Variants in MYO1H observed in about 807,000 individuals in gnomAD.
The protein encoded by MYO1H is myosin IH.
In MYO1H, 118 loss-of-function variants were observed where a neutral mutation model predicts 149.3. The observed-to-expected ratio is 0.79, with a 90% CI of 0.68 to 0.92. MYO1H has a LOEUF of 0.92. Among genes scored for constraint, MYO1H ranks in the 40% least tolerant of loss-of-function variants. MYO1H has a pLI of 0.00. For synonymous variants in MYO1H, 447 were observed against 465.2 expected (o/e 0.96, Z 0.50); for missense variants, 1,212 against 1,280.7 (o/e 0.95, Z 0.82).
chr12:109,381,630 C>T (rs1453202277), intron 1 of MYO1H, among the ~76,000 whole-genome samples: 1 of 151,738 alleles, frequency 6.6e-6, no homozygotes, highest in Non-Finnish European at 1.5e-5. Flanking sequence ...CATGGTGAAA[C>T]CCCGTCTCTA....
the MYO1H span, among the ~76,000 whole-genome samples, chr12:109,318,986 T>TTTTTTG: frequency 6.8e-6 from 1 of 146,642 alleles, no homozygotes; most frequent in Admixed American, 6.8e-5. Flanking sequence ...TTTTTTTTTT[T>TTTTTTG]TTTTTTTTGC....
At chr12:109,420,881 GAAATTCTTTTTC>G (rs1461223252) in intron 15 of MYO1H, 88 bp from the exon 16 acceptor site, 1 of 731,094 alleles carries the variant, frequency 1.4e-6, no homozygotes, top group African/African-American at 1.8e-5. Flanking sequence ...CTAATCCTAA[GAAATTCTTTTTC>G]AGAATTTCCC....
At position 109,410,028 on chromosome 12, in the gene MYO1H, T is replaced by A. The variant is rs578088715; in HGVS notation, c.1289T>A (p.Leu430Gln). 34 of 1,543,772 alleles carry A rather than the reference T, an allele frequency of 2.2e-5. No homozygotes were observed. The South Asian group carries it at 4.2e-4, about 19-fold the overall frequency. ...CAGCAACTGTTAATTGAGAGGACTC[T>A]AAAAGCAGAACAGGCAGAATATGAA... The change falls in exon 12 of 32, where the codon CTA becomes CAA. Residue 430 changes from leucine to glutamine, a missense_variant. Coordinates refer to ENST00000310903, the Ensembl canonical transcript of MYO1H.
intron 1 of MYO1H, among the ~76,000 whole-genome samples, chr12:109,350,059 T>C (rs181917517): frequency 4.6e-5 from 7 of 152,022 alleles, no homozygotes; most frequent in Admixed American, 2.0e-4. Flanking sequence ...GGAGCTGAGT[T>C]TGATGAACAA....
chr12:109,340,359 G>GAAAT, the MYO1H span, among the ~76,000 whole-genome samples: 2 of 152,094 alleles, frequency 1.3e-5, no homozygotes, highest in Non-Finnish European at 2.9e-5. Context: ...AATAGAGATA[G>GAAAT]GGTTTCACCA....
exon 2 of MYO1H, chr12:109,388,711 G>A (rs747272831): frequency 1.0e-5 from 16 of 1,598,118 alleles, no homozygotes; most frequent in African/African-American, 6.7e-5. Context: ...AAACACATCC[G>A]TCTGCACATG....
intron 1 of MYO1H, among the ~76,000 whole-genome samples, chr12:109,371,217 T>TTC (rs1868977148): frequency 7.0e-6 from 1 of 142,142 alleles, no homozygotes; most frequent in South Asian, 2.2e-4. Flanking sequence ...TTCTTTCTTT[T>TTC]TTTTTTTTTT....
intron 1 of MYO1H, among the ~76,000 whole-genome samples, chr12:109,360,381 G>A (rs1242294798): frequency 1.3e-5 from 2 of 152,092 alleles, no homozygotes; most frequent in Non-Finnish European, 2.9e-5. Context: ...GAGTTTCAAC[G>A]ATGCTTTGTT....
At chr12:109,412,133 T>C (rs1870703609) in intron 14 of MYO1H, 148 bp downstream of exon 14, 1 of 559,096 alleles carries the variant, frequency 1.8e-6, no homozygotes, top group African/African-American at 2.0e-5. Flanking sequence ...TGCCAGACCT[T>C]TGTTAGTAGA....
intron 2 of MYO1H, 129 bp downstream of exon 2, chr12:109,388,973 CT>C: frequency 8.5e-7 from 1 of 1,170,382 alleles, no homozygotes; most frequent in Non-Finnish European, 1.2e-6. Flanking sequence ...AGGCGCCACT[CT>C]TAGATGCACT....
At chr12:109,334,339 T>C in the MYO1H span, among the ~76,000 whole-genome samples, 5 of 152,106 alleles carry the variant, frequency 3.3e-5, no homozygotes, top group African/African-American at 7.2e-5. Flanking sequence ...TGTTTACTTA[T>C]TTACATGTTG....
chr12:109,412,808 T>C (rs1870729434), intron 14 of MYO1H, among the ~76,000 whole-genome samples: 1 of 151,624 alleles, frequency 6.6e-6, no homozygotes, highest in African/African-American at 2.4e-5. Context: ...TTGTTTGAGA[T>C]GGAGTCTCAC....
intron 19 of MYO1H, among the ~76,000 whole-genome samples, chr12:109,432,567 A>G (rs1005143025): frequency 6.6e-6 from 1 of 152,218 alleles, no homozygotes; most frequent in African/African-American, 2.4e-5. Context: ...GCTGCTATGA[A>G]CATTCAGGTA....
chr12:109,401,110 G>T (rs1221515945), exon 6 of MYO1H: 4 of 1,613,786 alleles, frequency 2.5e-6, no homozygotes, highest in Non-Finnish European at 3.4e-6. Context: ...CCGTAGGTGG[G>T]CATATCATCA....
At chr12:109,444,169 C>G (rs777639947) in intron 28 of MYO1H, 44 bp from the exon 29 acceptor site, 42 of 1,462,486 alleles carry the variant, frequency 2.9e-5, no homozygotes, top group Non-Finnish European at 4.0e-5. Context: ...GTACTAATGT[C>G]AAGCTCTCTA....
intron 20 of MYO1H, among the ~76,000 whole-genome samples, chr12:109,434,590 GT>G (rs571178429): frequency 7.5e-4 from 114 of 152,322 alleles, no homozygotes; most frequent in Admixed American, 3.4e-3. Context: ...GGTTACGTTG[GT>G]TTATTCATTT....
chr12:109,434,018 A>AT (rs1293777986), intron 20 of MYO1H, among the ~76,000 whole-genome samples: 2 of 151,594 alleles, frequency 1.3e-5, no homozygotes, highest in Non-Finnish European at 2.9e-5. Context: ...TCTTCTTTTT[A>AT]TTTTTTTATT....
intron 15 of MYO1H, among the ~76,000 whole-genome samples, chr12:109,420,180 G>A (rs1239891958): frequency 6.6e-6 from 1 of 152,126 alleles, no homozygotes; most frequent in Non-Finnish European, 1.5e-5. Flanking sequence ...GGGCAAGTGT[G>A]CAATACTTAG....
At chr12:109,405,843 T>G in intron 7 of MYO1H, 79 bp from the exon 8 acceptor site, 2 of 984,220 alleles carry the variant, frequency 2.0e-6, no homozygotes, top group South Asian at 1.4e-5. Flanking sequence ...TCTCCACTAA[T>G]GACATGTATC....
Sources: gnomAD v4.1 joint callset for allele counts (sites outside exome capture counted in the v4.1 genomes callset) on GRCh38, gnomAD v4.1.1 for gene constraint, MANE v1.5 for transcripts, NCBI Gene and HGNC (gene_info 2026-07-23, HGNC 2026-07-21) for gene names.